Variants in OMA1 observed in about 807,000 individuals in gnomAD.
OMA1 encodes the protein OMA1 zinc metallopeptidase.
Under a neutral mutation model 30.9 loss-of-function variants are expected in OMA1, and 38 were observed. The ratio of observed to expected loss-of-function variants is 1.23; its 90% CI spans 0.95 to 1.61. The LOEUF is 1.61. OMA1 is among the 40% of genes most tolerant of loss of function. The pLI, the probability that OMA1 is intolerant of heterozygous loss-of-function variation, is 0.00. For synonymous variants in OMA1, 173 were observed against 121.9 expected, an observed-to-expected ratio of 1.42 and a Z score of -2.76; for missense variants, 461 against 349.2, an observed-to-expected ratio of 1.32 and a Z score of -2.55.
Position 58,481,902 on chromosome 1 carries a change from T to C in OMA1, c.1366-728A>G, listed in dbSNP as rs34521420. ...GAGGCCATCCTCAGCCATATGGAAC[T>C]GTAAGTCAATTAAACCTCTTTCCTT... On this transcript the variant is annotated intron_variant, in intron 8 of 8. Coordinates refer to ENST00000371226, the MANE Select transcript of OMA1 (RefSeq NM_145243.5). Among the ~76,000 whole-genome samples the C allele has an allele frequency of 4.5e-3, 680 of 152,356 alleles. 4 individuals are homozygous for C. Among genetic ancestry groups the C allele is most frequent in the Non-Finnish European group, 6.2e-3 (422 of 68,034 alleles).
chr1:58,506,763 T>A (rs1354966706), intron 7 of OMA1, among the ~76,000 whole-genome samples: 2 of 152,178 alleles, frequency 1.3e-5, no homozygotes, highest in Non-Finnish European at 2.9e-5. Context: ...GAAAAAAACT[T>A]CAAATAAACA....
At chr1:58,497,509 C>T (rs1452243101) in intron 8 of OMA1, among the ~76,000 whole-genome samples, 1 of 152,110 alleles carries the variant, frequency 6.6e-6, no homozygotes, top group African/African-American at 2.4e-5. Flanking sequence ...AAATAAGACT[C>T]CAGGAGACCA....
chr1:58,528,111 C>G (rs2100467359), intron 6 of OMA1, among the ~76,000 whole-genome samples: 1 of 152,326 alleles, frequency 6.6e-6, no homozygotes, highest in East Asian at 1.9e-4. Context: ...CAGTATGTGA[C>G]CATTACAAAT....
chr1:58,520,826 C>G (rs1427333056), intron 7 of OMA1, among the ~76,000 whole-genome samples: 1 of 151,724 alleles, frequency 6.6e-6, no homozygotes, highest in African/African-American at 2.4e-5. Context: ...ATTAATAGCC[C>G]TAAAAGGAAA....
At chr1:58,487,483 A>C (rs931858684) in intron 8 of OMA1, among the ~76,000 whole-genome samples, 4 of 152,234 alleles carry the variant, frequency 2.6e-5, no homozygotes, top group Non-Finnish European at 4.4e-5. Flanking sequence ...TTGTAAAATG[A>C]ATCAGAAACT....
chr1:58,532,471 T>A (rs1332338130), intron 5 of OMA1, among the ~76,000 whole-genome samples: 1 of 152,226 alleles, frequency 6.6e-6, no homozygotes, highest in Non-Finnish European at 1.5e-5. Flanking sequence ...AGAGTGCATA[T>A]AATAACACTG....
At chr1:58,500,659 C>T (rs1645891856) in intron 8 of OMA1, among the ~76,000 whole-genome samples, 1 of 151,980 alleles carries the variant, frequency 6.6e-6, no homozygotes, top group South Asian at 2.1e-4. Context: ...AAAATATATC[C>T]TATTCAAATT....
chr1:58,521,263 C>A (rs1398468653), intron 7 of OMA1, among the ~76,000 whole-genome samples: 1 of 151,872 alleles, frequency 6.6e-6, no homozygotes, highest in Admixed American at 6.6e-5. Flanking sequence ...AACATATCAA[C>A]CCTTGCAACA....
chr1:58,484,535 T>C (rs1645542439), intron 8 of OMA1, among the ~76,000 whole-genome samples: 1 of 152,166 alleles, frequency 6.6e-6, no homozygotes, highest in Admixed American at 6.5e-5. Flanking sequence ...TCAGAATCCT[T>C]AGAAAATATC....
chr1:58,520,897 A>C (rs1454375462), intron 7 of OMA1, among the ~76,000 whole-genome samples: 1 of 152,184 alleles, frequency 6.6e-6, no homozygotes, highest in East Asian at 1.9e-4. Context: ...CTACAAAAAA[A>C]AGGAAAAAAA....
At chr1:58,498,005 G>A (rs1259161956) in intron 8 of OMA1, among the ~76,000 whole-genome samples, 1 of 152,000 alleles carries the variant, frequency 6.6e-6, no homozygotes, top group Non-Finnish European at 1.5e-5. Flanking sequence ...TCTCAACTAA[G>A]AACTATGAAG....
chr1:58,483,459 A>G (rs1457501372), intron 8 of OMA1, among the ~76,000 whole-genome samples: 1 of 152,204 alleles, frequency 6.6e-6, no homozygotes, highest in Non-Finnish European at 1.5e-5. Flanking sequence ...AGCTCTGATT[A>G]GGCTCTGAGT....
At chr1:58,521,495 A>G (rs1031490952) in intron 7 of OMA1, among the ~76,000 whole-genome samples, 3 of 152,108 alleles carry the variant, frequency 2.0e-5, no homozygotes, top group African/African-American at 7.2e-5. Context: ...AACCCAAAAG[A>G]TGGTTTTGAA....
At chr1:58,488,377 G>A (rs759696274) in intron 8 of OMA1, among the ~76,000 whole-genome samples, 2 of 152,078 alleles carry the variant, frequency 1.3e-5, no homozygotes, top group African/African-American at 4.8e-5. Context: ...GTTCAGTTAC[G>A]TGAAAAAGTT....
Position 58,539,327 on chromosome 1 carries a change from A to C in OMA1, c.-16-17T>G, listed in dbSNP as rs768383414. Reference sequence around the variant, plus strand: ...CTTGACTACCTGAAACAAAAAAAAAACTATAAATATCTGTGGAAAATATTT... The same window carrying C: ...CTTGACTACCTGAAACAAAAAAAAACCTATAAATATCTGTGGAAAATATTT... On this transcript the variant is annotated splice_polypyrimidine_tract_variant and intron_variant, in intron 1 of 8. Transcript: ENST00000371226. 8 of 788,232 alleles carry C rather than the reference A, an allele frequency of 1.0e-5. No homozygotes were observed. Among genetic ancestry groups the C allele is most frequent in the Non-Finnish European group, 1.7e-5 (8 of 470,570 alleles). 48.8% of individuals were successfully genotyped at this position (788,232 alleles called of 1,614,324 possible). A position where few individuals can be genotyped will look rare whatever the true frequency, so the allele number is the denominator to read the frequency against.
intron 8 of OMA1, among the ~76,000 whole-genome samples, chr1:58,490,795 CTTTTTTTTT>C (rs148145860): frequency 2.2e-4 from 13 of 59,270 alleles, no homozygotes; most frequent in East Asian, 2.2e-3. Flanking sequence ...AGTCAACATT[CTTTTTTTTT>C]TTTTTTTTTT....
rs554294109 is a variant in OMA1 at position 58,514,714 on chromosome 1, G to C, written c.1216-8505C>G. ...GCTCCTACAGCTAGAAAAATACACT[G>C]AGGCTGTTATAAGATGTAAAGGGAC... On this transcript the variant is annotated intron_variant, in intron 7 of 8. Transcript: ENST00000371226. Among the ~76,000 whole-genome samples, 4 of 152,254 alleles carry C rather than the reference G, an allele frequency of 2.6e-5. No individual in the cohort carries two copies. The South Asian group carries it at 8.3e-4, about 32-fold the overall frequency.
intron 7 of OMA1, among the ~76,000 whole-genome samples, chr1:58,513,487 G>A (rs752047753): frequency 1.3e-5 from 2 of 152,214 alleles, no homozygotes; most frequent in African/African-American, 2.4e-5. Context: ...GTAAGTACAC[G>A]AAGAAAGAAT....
chr1:58,525,991 T>A lies in OMA1; in HGVS notation c.1215+1270A>T, dbSNP rs147211236. Among the ~76,000 whole-genome samples, 3 of 152,188 alleles carry A rather than the reference T, an allele frequency of 2.0e-5. No individual in the cohort carries two copies. The South Asian group carries it at 6.2e-4, about 31-fold the overall frequency. On this transcript the variant is annotated intron_variant, in intron 7 of 8. Transcript: ENST00000371226. The stretch of plus-strand genomic sequence containing the variant: ...CATAAACAGTGCTGAGTCTATTAGC[T>A]ATCCATAGGGGAAAAAAAAGATGTT...
Sources: allele counts gnomAD v4.1 joint callset (sites outside exome capture counted in the v4.1 genomes callset), GRCh38; gene constraint gnomAD v4.1.1; transcripts MANE v1.5; gene names NCBI Gene and HGNC (gene_info 2026-07-23, HGNC 2026-07-21).